The following PTS variants were observed in gnomAD, a reference collection of about 807,000 sequenced individuals.
PTS encodes 6-pyruvoyltetrahydropterin synthase.
Under a neutral mutation model 20.6 loss-of-function variants are expected in PTS, and 23 were observed. That is an observed-to-expected ratio of 1.12 (90% CI 0.80 to 1.58). The LOEUF (loss-of-function observed/expected upper bound fraction) is 1.58. Among genes scored for constraint, PTS ranks in the 40% most tolerant of loss-of-function variants. The pLI, the probability that PTS is intolerant of heterozygous loss-of-function variation, is 0.00. For synonymous variants in PTS, 65 were observed against 62.5 expected (o/e 1.04, Z -0.19); for missense variants, 186 against 182.4 (o/e 1.02, Z -0.11).
chr11:112,233,102 A>G (rs1161493830), intron 4 of PTS, 61 bp from the exon 5 acceptor site: 1 of 1,484,900 alleles, frequency 6.7e-7, no homozygotes. Flanking sequence ...CATAAGTGGA[A>G]CAATTTGGAA....
chr11:112,233,829 T>C lies in PTS; in HGVS notation c.*274T>C, dbSNP rs1182869596. The stretch of plus-strand genomic sequence containing the variant: ...CACAAAATGTTTTGGTGTGGGATTA[T>C]TTGAAAGCAAAAGAAATCTAATTTT... On this transcript the variant is annotated 3_prime_UTR_variant, in exon 6 of 6. Transcript: ENST00000280362. The C allele has an allele frequency of 7.7e-6, 2 of 261,074 alleles. No individual in the cohort carries two copies. Among genetic ancestry groups the C allele is most frequent in the Non-Finnish European group, 1.4e-5 (2 of 143,782 alleles). 16.2% of individuals were successfully genotyped at this position (261,074 alleles called of 1,614,324 possible). A position where few individuals can be genotyped will look rare whatever the true frequency, so the allele number is the denominator to read the frequency against.
intron 1 of PTS, 143 bp downstream of exon 1, chr11:112,226,669 G>A: frequency 1.9e-6 from 1 of 532,114 alleles, no homozygotes; most frequent in Non-Finnish European, 2.9e-6. Context: ...TCGGCTTCGT[G>A]GGGCTTCGGA....
chr11:112,226,530 G>A lies in PTS; in HGVS notation c.83+4G>A. 6.3e-7 allele frequency: 1 copy of A among 1,580,310 alleles called. No individual in the cohort carries two copies. Among genetic ancestry groups the A allele is most frequent in the Non-Finnish European group, 8.6e-7 (1 of 1,165,434 alleles). ...GCGCGAGCCACCGATTGTACAGGTA[G>A]GGTGTGCACACAGGTACAGCGGCGG... On this transcript the variant is annotated splice_donor_region_variant and intron_variant, in intron 1 of 5. Coordinates refer to ENST00000280362, the MANE Select transcript of PTS (RefSeq NM_000317.3).
intron 3 of PTS, 146 bp downstream of exon 3, chr11:112,230,376 T>C: frequency 4.9e-6 from 5 of 1,016,664 alleles, no homozygotes; most frequent in Non-Finnish European, 7.8e-6. Flanking sequence ...GCTGCCGCCA[T>C]TCCAGGCCTC....
intron 1 of PTS, among the ~76,000 whole-genome samples, chr11:112,227,110 T>C (rs559944277): frequency 6.6e-6 from 1 of 151,582 alleles, no homozygotes; most frequent in East Asian, 1.9e-4. Flanking sequence ...AGCAGCATAG[T>C]TGGGATTTGA....
rs774398414 is a variant in PTS, at chr11:112,233,566, T to A, written c.*11T>A. 1.2e-6 allele frequency: 2 copies of A among 1,613,368 alleles called. No homozygotes were observed. The highest frequency in any genetic ancestry group is 1.7e-6 in the Non-Finnish European group (2 of 1,179,756). ...TATAAAGGAGAATAGCTATTGGGGTTAGCATTGCACAAAGCCCAGTTTCTT... is the reference window on the plus strand; with the variant it reads ...TATAAAGGAGAATAGCTATTGGGGTAAGCATTGCACAAAGCCCAGTTTCTT... On this transcript the variant is annotated 3_prime_UTR_variant, in exon 6 of 6. Coordinates refer to ENST00000280362, the MANE Select transcript of PTS (RefSeq NM_000317.3).
At position 112,228,644 on chromosome 11, in the gene PTS, A is replaced by G. The variant is rs753372875; in HGVS notation, c.134A>G (p.Asn45Ser). ...ENLKLFGKCNNPNGHGHNYKV... is the reference protein window; with the variant it reads ...ENLKLFGKCNSPNGHGHNYKV... ...TTGAAACTGTTTGGGAAATGCAACA[A>G]TCCAAATGGCCATGGGCACAATTAT... The change falls in exon 2 of 6, where the codon AAT becomes AGT. Residue 45 changes from asparagine (N) to serine (S), a missense_variant. By Grantham distance (46) the Asn-to-Ser change is conservative. Transcript: ENST00000280362. 5.0e-6 allele frequency: 8 copies of G among 1,612,812 alleles called. No homozygotes were observed. In the Admixed American group the frequency reaches 6.7e-5, roughly 13 times the overall value.
chr11:112,230,530 GCA>G, intron 3 of PTS, 94 bp from the exon 4 acceptor site: 1 of 1,119,834 alleles, frequency 8.9e-7, no homozygotes, highest in East Asian at 2.4e-5. Flanking sequence ...GCAAATGTGG[GCA>G]CAGTCTCTGC....
Position 112,226,516 on chromosome 11 carries a change from C to T in PTS, c.73C>T (p.Arg25Ter), listed in dbSNP as rs1167104933. 5 of 1,583,174 alleles carry T rather than the reference C, an allele frequency of 3.2e-6. No individual in the cohort carries two copies. The Admixed American group carries it at 7.5e-5, about 24-fold the overall frequency. The change falls in exon 1 of 6, where the codon CGA becomes TGA. Residue 25 changes from arginine to a stop codon, truncating the protein, a stop_gained. Coordinates refer to ENST00000280362, the MANE Select transcript of PTS (RefSeq NM_000317.3). LOFTEE classifies it high-confidence loss of function. ...SRRISFSASH[R>*]LYSKFLSDEE... is the part of the protein sequence containing the mutation. Reference sequence around the variant, plus strand: ...CCGCATCTCCTTCAGCGCGAGCCACCGATTGTACAGGTAGGGTGTGCACAC... The same window carrying T: ...CCGCATCTCCTTCAGCGCGAGCCACTGATTGTACAGGTAGGGTGTGCACAC...
intron 4 of PTS, among the ~76,000 whole-genome samples, 198 bp downstream of exon 4, chr11:112,230,880 C>T (rs1859921345): frequency 6.6e-6 from 1 of 152,208 alleles, no homozygotes; most frequent in Non-Finnish European, 1.5e-5. Flanking sequence ...GGAAATTAGT[C>T]ACAGTTGTGT....
chr11:112,232,984 C>T (rs2135410200), intron 4 of PTS, among the ~76,000 whole-genome samples, 179 bp from the exon 5 acceptor site: 1 of 152,286 alleles, frequency 6.6e-6, no homozygotes, highest in South Asian at 2.1e-4. Flanking sequence ...ACAGCTGGGC[C>T]TGACTTTATT....
chr11:112,231,302 T>TA lies in PTS; in HGVS notation c.243+622dup, dbSNP rs564407925. 2.9e-3 allele frequency among the ~76,000 whole-genome samples: 437 copies of TA among 152,342 alleles called. 2 individuals are homozygous for TA. Among genetic ancestry groups the TA allele is most frequent in the Non-Finnish European group, 5.0e-3 (341 of 68,036 alleles). ...TCACCAGAGCAGTACCTCATAGAGATAACACACAAGGTGTTCAATGAAGAA... is the reference window on the plus strand; with the variant it reads ...TCACCAGAGCAGTACCTCATAGAGATAAACACACAAGGTGTTCAATGAAGAA... On this transcript the variant is annotated intron_variant, in intron 4 of 5. Coordinates refer to ENST00000280362, the MANE Select transcript of PTS (RefSeq NM_000317.3).
intron 5 of PTS, 66 bp downstream of exon 5, chr11:112,233,299 G>A (rs1181368688): frequency 5.8e-6 from 9 of 1,561,918 alleles, no homozygotes; most frequent in Middle Eastern, 1.7e-4. Context: ...TACTTTGATT[G>A]TTGTGTGATT....
chr11:112,230,168 A>G (rs1466428240), intron 2 of PTS, 40 bp from the exon 3 acceptor site: 1 of 1,594,226 alleles, frequency 6.3e-7, no homozygotes, highest in Non-Finnish European at 8.6e-7. Flanking sequence ...ATCTGTTGAA[A>G]GTCATGCTGT....
chr11:112,226,620 C>T (rs1308404792), intron 1 of PTS, 94 bp downstream of exon 1: 3 of 1,118,616 alleles, frequency 2.7e-6, no homozygotes, highest in Non-Finnish European at 1.2e-6. Context: ...ACGTCGGGCC[C>T]GGGAGGGGCG....
Sources: gnomAD v4.1 joint callset for allele counts (sites outside exome capture counted in the v4.1 genomes callset) on GRCh38, gnomAD v4.1.1 for gene constraint, MANE v1.5 for transcripts, NCBI Gene and HGNC (gene_info 2026-07-23, HGNC 2026-07-21) for gene names.